The following TTC39B variants were observed in gnomAD, a reference collection of about 807,000 sequenced individuals.
TTC39B encodes the protein tetratricopeptide repeat domain 39B.
A neutral mutation model predicts 96.6 loss-of-function variants in TTC39B; 92 were observed. That is an observed-to-expected ratio of 0.95 (90% CI 0.80 to 1.13). The LOEUF is 1.13. Ranked by LOEUF, TTC39B falls within the 50% of genes most tolerant of loss-of-function variation. TTC39B has a pLI of 0.00. For synonymous variants in TTC39B, 367 were observed against 299.4 expected (o/e 1.23, Z -2.33); for missense variants, 955 against 809.3 (o/e 1.18, Z -2.18).
chr9:15,281,943 G>A (rs920359606), intron 1 of TTC39B, among the ~76,000 whole-genome samples: 1 of 152,112 alleles, frequency 6.6e-6, no homozygotes, highest in Non-Finnish European at 1.5e-5. Flanking sequence ...CTCCCAAAGT[G>A]TTGAGATTAC....
intron 6 of TTC39B, 138 bp from the exon 7 acceptor site, chr9:15,204,028 A>G (rs577368877): frequency 1.5e-6 from 1 of 668,344 alleles, no homozygotes; most frequent in East Asian, 2.9e-5. Context: ...CTTCCACAAA[A>G]GTGGAATGAT....
intron 1 of TTC39B, among the ~76,000 whole-genome samples, chr9:15,268,740 G>A (rs968223701): frequency 3.3e-5 from 5 of 152,076 alleles, no homozygotes; most frequent in African/African-American, 9.7e-5. Context: ...CCCAAGCCAC[G>A]AGACCTCCAA....
chr9:15,277,385 C>A (rs116009581), intron 1 of TTC39B, among the ~76,000 whole-genome samples: 4,258 of 152,222 alleles, frequency 0.028, 194 homozygotes, highest in African/African-American at 0.097. Context: ...CCAAGATAGC[C>A]CCATTGCACT....
exon 20 of TTC39B, chr9:15,171,788 C>A: frequency 3.6e-6 from 1 of 281,570 alleles, no homozygotes. Flanking sequence ...ATATGAAATT[C>A]TTTTGGGGGA....
Position 15,190,534 on chromosome 9 carries a change from C to A in TTC39B, c.1105+20G>T. ...CCAAGACAATCAATGTTCAATGAAA[C>A]AATCTAATCCAGATCTTACCAAGTA... is the stretch of plus-strand genomic sequence containing the variant. On this transcript the variant is annotated intron_variant, in intron 11 of 19. Coordinates refer to ENST00000512701, the Ensembl canonical transcript of TTC39B. The A allele has an allele frequency of 6.3e-7, 1 of 1,598,338 alleles. No individual in the cohort carries two copies. The highest frequency in any genetic ancestry group is 8.6e-7 in the Non-Finnish European group (1 of 1,165,880).
intron 1 of TTC39B, among the ~76,000 whole-genome samples, chr9:15,305,450 G>C (rs1467097086): frequency 6.6e-6 from 1 of 152,038 alleles, no homozygotes; most frequent in Non-Finnish European, 1.5e-5. Context: ...TCATCAACTA[G>C]GACTAGTACA....
chr9:15,283,839 T>TATGG (rs1231389012), intron 1 of TTC39B, among the ~76,000 whole-genome samples: 1 of 152,070 alleles, frequency 6.6e-6, no homozygotes, highest in Non-Finnish European at 1.5e-5. Context: ...ATTAAACCCA[T>TATGG]ATACAAGTTT....
At chr9:15,192,254 C>T (rs1818901197) in intron 9 of TTC39B, among the ~76,000 whole-genome samples, 1 of 152,204 alleles carries the variant, frequency 6.6e-6, no homozygotes, top group Non-Finnish European at 1.5e-5. Flanking sequence ...ACTGGTCCCT[C>T]ACACATTTTC....
intron 1 of TTC39B, among the ~76,000 whole-genome samples, chr9:15,274,637 A>G (rs1823473007): frequency 6.6e-6 from 1 of 152,214 alleles, no homozygotes; most frequent in South Asian, 2.1e-4. Context: ...TCACATTCCA[A>G]GTCCCCACCT....
chr9:15,210,744 G>A (rs1180734438), intron 5 of TTC39B, among the ~76,000 whole-genome samples: 1 of 152,062 alleles, frequency 6.6e-6, no homozygotes, highest in African/African-American at 2.4e-5. Context: ...CTTCCATACT[G>A]TGAAACACCT....
intron 1 of TTC39B, among the ~76,000 whole-genome samples, chr9:15,291,002 T>C (rs569795033): frequency 1.3e-5 from 2 of 152,158 alleles, no homozygotes; most frequent in Non-Finnish European, 2.9e-5. Context: ...CGTGTTTAAG[T>C]GTATTGAGAT....
chr9:15,235,369 G>C (rs1261014974), intron 2 of TTC39B, among the ~76,000 whole-genome samples: 1 of 152,142 alleles, frequency 6.6e-6, no homozygotes, highest in Non-Finnish European at 1.5e-5. Context: ...AGAAGAAAAA[G>C]TAAGCAACCT....
At chr9:15,203,576 G>A (rs1267889738) in intron 7 of TTC39B, among the ~76,000 whole-genome samples, 2 of 152,008 alleles carry the variant, frequency 1.3e-5, no homozygotes, top group Non-Finnish European at 2.9e-5. Context: ...TTTCTTTAAA[G>A]ACACAGTCTT....
exon 1 of TTC39B, chr9:15,307,212 AAAG>A: frequency 6.4e-7 from 1 of 1,557,662 alleles, no homozygotes; most frequent in Non-Finnish European, 8.7e-7. Context: ...AGCCCAGCGC[AAAG>A]GAGGGCAAAA....
At chr9:15,198,226 AGACGGGTG>A (rs1819293006) in intron 8 of TTC39B, among the ~76,000 whole-genome samples, 1 of 152,122 alleles carries the variant, frequency 6.6e-6, no homozygotes, top group South Asian at 2.1e-4. Flanking sequence ...TGGGAGGCCA[AGACGGGTG>A]GATCACGAGG....
intron 3 of TTC39B, among the ~76,000 whole-genome samples, chr9:15,217,347 A>G (rs950168638): frequency 1.3e-5 from 2 of 152,142 alleles, no homozygotes; most frequent in Non-Finnish European, 2.9e-5. Context: ...CTCTTGCCAA[A>G]CATCCACCTC....
At chr9:15,252,224 T>C (rs1252327777) in intron 2 of TTC39B, among the ~76,000 whole-genome samples, 2 of 152,216 alleles carry the variant, frequency 1.3e-5, no homozygotes, top group Non-Finnish European at 2.9e-5. Flanking sequence ...TTTTCTTTTT[T>C]CCTTTCAAAA....
chr9:15,274,198 T>C (rs1823457324), intron 1 of TTC39B, among the ~76,000 whole-genome samples: 1 of 152,244 alleles, frequency 6.6e-6, no homozygotes. Flanking sequence ...ACCTTTATTA[T>C]TGTGCAAAAT....
chr9:15,293,250 C>A (rs2156109), intron 1 of TTC39B, among the ~76,000 whole-genome samples: 1 of 151,722 alleles, frequency 6.6e-6, no homozygotes, highest in Non-Finnish European at 1.5e-5. Context: ...GTGTAGTAGG[C>A]TGTACCATCT....
Sources: allele counts gnomAD v4.1 joint callset (sites outside exome capture counted in the v4.1 genomes callset), GRCh38; gene constraint gnomAD v4.1.1; transcripts MANE v1.5; gene names NCBI Gene and HGNC (gene_info 2026-07-23, HGNC 2026-07-21).